CHEK2: variants seen among roughly 807,000 people sequenced by gnomAD.
The protein encoded by CHEK2 is checkpoint kinase 2.
CHEK2 carries 71 observed loss-of-function variants against 69.1 expected under a neutral mutation model. The observed-to-expected ratio is 1.03, with a 90% CI of 0.85 to 1.25. The LOEUF is 1.25. CHEK2 is among the 50% of genes most tolerant of loss of function. The pLI is 0.00. For synonymous variants in CHEK2, 189 were observed against 226.9 expected (o/e 0.83, Z 1.50); for missense variants, 664 against 649.6 (o/e 1.02, Z -0.24).
intron 2 of CHEK2, chr22:28,728,009 G>A (rs1186293169): frequency 2.6e-5 from 4 of 152,254 alleles, no homozygotes; most frequent in East Asian, 1.9e-4. Context: ...GCTCACACCT[G>A]TAATCCCAGT....
chr22:28,710,080 G>C (rs757488327), intron 6 of CHEK2, 21 bp from the exon 7 acceptor site: 2 of 1,457,592 alleles, frequency 1.4e-6, no homozygotes, highest in Non-Finnish European at 1.9e-6. Context: ...CAGAATAACA[G>C]AGTTTATTAG....
chr22:28,722,223 C>T (rs944209012), intron 4 of CHEK2, among the ~76,000 whole-genome samples: 2 of 152,010 alleles, frequency 1.3e-5, no homozygotes, highest in Non-Finnish European at 2.9e-5. Context: ...AAAGCAGCTG[C>T]CCTGACTATA....
At chr22:28,703,639 T>C (rs2052988894) in intron 7 of CHEK2, 73 bp from the exon 8 acceptor site, 1 of 970,612 alleles carries the variant, frequency 1.0e-6, no homozygotes, top group Non-Finnish European at 1.6e-6. Flanking sequence ...GCTTAGAACA[T>C]CTGCCCAGAG....
chr22:28,718,133 C>T (rs2053646936), intron 5 of CHEK2, among the ~76,000 whole-genome samples: 1 of 152,112 alleles, frequency 6.6e-6, no homozygotes, highest in Admixed American at 6.6e-5. Context: ...GAGTTAATTT[C>T]ACCTCAAACA....
rs536566373 is a variant in CHEK2, at chr22:28,741,794, A to G, written c.-32T>C. The G allele has an allele frequency of 3.6e-5, 18 of 494,396 alleles. 1 individual carries two copies. Among genetic ancestry groups the G allele is most frequent in the South Asian group, 3.6e-4 (16 of 43,998 alleles). The allele number at this position is 494,396 out of a possible 1,614,324, so 30.6% of individuals were successfully genotyped here. On this transcript the variant is annotated 5_prime_UTR_variant, in exon 1 of 15. Transcript: ENST00000404276. ...CGCGTGAGCCCACCTGGAGCCGCAC[A>G]CTCTCCGCAGCCTCAGCCAGCAGAG...
rs530995312 is a variant in CHEK2 at position 28,692,553 on chromosome 22, T to C, written c.1461+1479A>G. On this transcript the variant is annotated intron_variant, in intron 13 of 14. Transcript: ENST00000404276. ...GAGCAAAACTGTTAGGTGTAGAGGA[T>C]TGGAACAGAGAACAGGGACAGTCTT... 1.0e-3 allele frequency among the ~76,000 whole-genome samples: 153 copies of C among 152,228 alleles called. 2 individuals carry two copies. The highest frequency in any genetic ancestry group is 3.5e-3 in the African/African-American group (146 of 41,546).
intron 1 of CHEK2, among the ~76,000 whole-genome samples, chr22:28,739,473 T>C (rs2054500704): frequency 6.6e-6 from 1 of 151,280 alleles, no homozygotes; most frequent in African/African-American, 2.4e-5. Context: ...GCAGATCACT[T>C]GGGGTCAGGA....
At chr22:28,694,177 T>C (rs769859259) in intron 12 of CHEK2, 60 bp from the exon 13 acceptor site, 32 of 1,148,894 alleles carry the variant, frequency 2.8e-5, no homozygotes, top group South Asian at 2.1e-4. Context: ...AGTAAGAGTA[T>C]GCCAGAATTA....
intron 7 of CHEK2, among the ~76,000 whole-genome samples, chr22:28,707,999 G>C (rs932049406): frequency 4.6e-5 from 7 of 150,834 alleles, no homozygotes; most frequent in African/African-American, 1.7e-4. Context: ...ACCACGCCCG[G>C]CTAATTTTTT....
chr22:28,703,396 A>G, intron 8 of CHEK2, 109 bp downstream of exon 8: 1 of 698,980 alleles, frequency 1.4e-6, no homozygotes, highest in South Asian at 1.6e-5. Flanking sequence ...TACTACATAC[A>G]TACGTTGAGG....
chr22:28,717,107 G>A (rs1378542194), intron 5 of CHEK2, among the ~76,000 whole-genome samples: 5 of 152,162 alleles, frequency 3.3e-5, no homozygotes, highest in Admixed American at 2.0e-4. Flanking sequence ...GGCCAGGCGC[G>A]GTGGCTCATG....
rs886039631 is a variant in CHEK2, at chr22:28,695,799, G to T, written c.1170C>A (p.Tyr390Ter). Residue 390 changes from tyrosine to a stop codon, truncating the protein, a stop_gained, in exon 11 of 15, where the codon TAC becomes TAA. Transcript: ENST00000404276. LOFTEE classifies it high-confidence loss of function. The stretch of plus-strand genomic sequence containing the variant: ...CAGAAACAAGAACTTCAGGCGCCAA[G>T]TAGGTGGGGGTTCCACATAAGGTTC... ...LMRTLCGTPT[Y>*]LAPEVLVSVG... 2 of 1,613,918 alleles carry T rather than the reference G, an allele frequency of 1.2e-6. No individual in the cohort carries two copies. Among genetic ancestry groups the T allele is most frequent in the Non-Finnish European group, 1.7e-6 (2 of 1,179,784 alleles).
intron 12 of CHEK2, among the ~76,000 whole-genome samples, chr22:28,694,835 C>T (rs540347338): frequency 5.9e-5 from 9 of 152,254 alleles, no homozygotes; most frequent in East Asian, 1.9e-4. Flanking sequence ...ATACTTAACC[C>T]TCACAAAAAC....
chr22:28,708,952 C>CAAAAAA (rs374623367), intron 7 of CHEK2: 138 of 330,782 alleles, frequency 4.2e-4, no homozygotes, highest in Admixed American at 6.3e-4. Flanking sequence ...GCCTCCGTCT[C>CAAAAAA]AAAAAAAAAA....
At chr22:28,720,451 A>T (rs1405046883) in intron 4 of CHEK2, among the ~76,000 whole-genome samples, 2 of 152,156 alleles carry the variant, frequency 1.3e-5, no homozygotes, top group East Asian at 3.8e-4. Context: ...AGTGCTGATG[A>T]TTTAATAATT....
intron 1 of CHEK2, among the ~76,000 whole-genome samples, chr22:28,737,109 C>T (rs2054434071): frequency 6.6e-6 from 1 of 152,176 alleles, no homozygotes. Context: ...TAGGAAACAA[C>T]ACTATAGTAG....
chr22:28,736,248 C>A (rs1243518937), intron 1 of CHEK2, among the ~76,000 whole-genome samples: 1 of 152,046 alleles, frequency 6.6e-6, no homozygotes, highest in African/African-American at 2.4e-5. Flanking sequence ...CTTTGGAAAG[C>A]AAAAGAAGAC....
rs35082981 is a variant in CHEK2, at chr22:28,701,954, A to ATTT, written c.908+1548_908+1550dup. Among the ~76,000 whole-genome samples the ATTT allele has an allele frequency of 4.9e-3, 715 of 145,772 alleles. 8 individuals carry two copies. The highest frequency in any genetic ancestry group is 0.016 in the African/African-American group (626 of 39,606). ...ATCTATGTATATCATCCCATATACT[A>ATTT]TTTTTTTTTTTTTTGAGGCAGAGTC... On this transcript the variant is annotated intron_variant, in intron 8 of 14. Coordinates refer to ENST00000404276, the MANE Select transcript of CHEK2 (RefSeq NM_007194.4).
At chr22:28,710,870 T>C (rs576519652) in intron 6 of CHEK2, among the ~76,000 whole-genome samples, 1 of 152,308 alleles carries the variant, frequency 6.6e-6, no homozygotes, top group African/African-American at 2.4e-5. Flanking sequence ...CTGATTCAAA[T>C]AATGAAATCA....
Sources: allele counts gnomAD v4.1 joint callset (sites outside exome capture counted in the v4.1 genomes callset), GRCh38; gene constraint gnomAD v4.1.1; transcripts MANE v1.5; gene names NCBI Gene and HGNC (gene_info 2026-07-23, HGNC 2026-07-21).